Variants in IL12RB2 observed in about 807,000 individuals in gnomAD.
IL12RB2 encodes interleukin-12 receptor subunit beta-2.
A neutral mutation model predicts 89.4 loss-of-function variants in IL12RB2; 82 were observed. The observed-to-expected ratio is 0.92, with a 90% CI of 0.77 to 1.10. The LOEUF is 1.10. Ranked by LOEUF, IL12RB2 falls within the 50% of genes least tolerant of loss-of-function variation. IL12RB2 has a pLI of 0.00. For missense variants in IL12RB2, 963 were observed against 1,031.9 expected (o/e 0.93, Z 0.92); for synonymous variants, 368 against 370.1 (o/e 0.99, Z 0.07).
intron 9 of IL12RB2, among the ~76,000 whole-genome samples, chr1:67,341,283 G>T (rs1477563810): frequency 6.6e-6 from 1 of 152,102 alleles, no homozygotes; most frequent in African/African-American, 2.4e-5. Context: ...GCTGGGTGTG[G>T]TGATGCCCAC....
At position 67,337,024 on chromosome 1, in the gene IL12RB2, G is replaced by A. The variant is rs192538169; in HGVS notation, c.959-1600G>A. 2.0e-5 allele frequency among the ~76,000 whole-genome samples: 3 copies of A among 152,284 alleles called. No individual in the cohort carries two copies. In the East Asian group the frequency reaches 5.8e-4, roughly 29 times the overall value. ...TAGCCGAAGGATGTGGTTAGCATTT[G>A]TTCAAAGTCACAGAGCTGGGCTTAC... On this transcript the variant is annotated intron_variant, in intron 8 of 16. Coordinates refer to ENST00000674203, the MANE Select transcript of IL12RB2 (RefSeq NM_001374259.2).
intron 3 of IL12RB2, among the ~76,000 whole-genome samples, chr1:67,320,932 C>A (rs1656423438): frequency 6.7e-6 from 1 of 150,096 alleles, no homozygotes; most frequent in East Asian, 2.0e-4. Flanking sequence ...TGCCCACCCC[C>A]ACCCCCGTGT....
intron 8 of IL12RB2, among the ~76,000 whole-genome samples, chr1:67,335,597 C>T (rs192026552): frequency 6.6e-6 from 1 of 152,056 alleles, no homozygotes; most frequent in Non-Finnish European, 1.5e-5. Flanking sequence ...TCATTTGTAC[C>T]CATTTCTTTT....
intron 9 of IL12RB2, among the ~76,000 whole-genome samples, chr1:67,345,683 T>C (rs2100804391): frequency 6.6e-6 from 1 of 152,288 alleles, no homozygotes; most frequent in Middle Eastern, 3.4e-3. Context: ...CGTTGCAATA[T>C]TCAACTCTAT....
At chr1:67,362,148 A>G (rs9793823) in intron 10 of IL12RB2, among the ~76,000 whole-genome samples, 99,515 of 151,910 alleles carry the variant, frequency 0.66, 33,201 homozygotes, top group South Asian at 0.73. Context: ...GCATGTGCCT[A>G]TAATCCCAGC....
intron 13 of IL12RB2, among the ~76,000 whole-genome samples, chr1:67,379,685 T>C (rs1443927033): frequency 1.3e-5 from 2 of 151,556 alleles, no homozygotes; most frequent in African/African-American, 4.8e-5. Flanking sequence ...AAAAATTTAT[T>C]CAAAAGATTT....
intron 10 of IL12RB2, among the ~76,000 whole-genome samples, chr1:67,364,489 G>T (rs550956830): frequency 6.6e-6 from 1 of 152,344 alleles, no homozygotes; most frequent in Non-Finnish European, 1.5e-5. Flanking sequence ...AGAAGCTGGA[G>T]TAGCTGTATT....
At chr1:67,365,275 C>A (rs906963456) in intron 10 of IL12RB2, among the ~76,000 whole-genome samples, 2 of 151,500 alleles carry the variant, frequency 1.3e-5, no homozygotes, top group African/African-American at 4.9e-5. Flanking sequence ...CCAAAGTAAG[C>A]AAATAGTAAT....
chr1:67,385,962 G>C (rs1665088870), intron 14 of IL12RB2, among the ~76,000 whole-genome samples: 1 of 152,204 alleles, frequency 6.6e-6, no homozygotes, highest in South Asian at 2.1e-4. Context: ...TGTAATCCCA[G>C]CACTTTGGGA....
chr1:67,376,810 T>C (rs1428995668), intron 13 of IL12RB2, among the ~76,000 whole-genome samples: 1 of 152,180 alleles, frequency 6.6e-6, no homozygotes, highest in African/African-American at 2.4e-5. Context: ...GAGTTAAGGA[T>C]GCCCTCACAG....
intron 5 of IL12RB2, among the ~76,000 whole-genome samples, chr1:67,327,641 G>A (rs1657510863): frequency 6.6e-6 from 1 of 152,180 alleles, no homozygotes; most frequent in African/African-American, 2.4e-5. Flanking sequence ...GGGAGATTCT[G>A]TTCCTTGAAG....
At chr1:67,328,469 A>C in intron 6 of IL12RB2, 85 bp downstream of exon 6, 1 of 1,597,636 alleles carries the variant, frequency 6.3e-7, no homozygotes, top group African/African-American at 1.3e-5. Context: ...GTTTCAAGAA[A>C]GACAGAGATT....
intron 13 of IL12RB2, among the ~76,000 whole-genome samples, chr1:67,377,704 T>C (rs1309180627): frequency 1.8e-5 from 2 of 114,010 alleles, no homozygotes; most frequent in African/African-American, 6.8e-5. Context: ...ACCCATTTTT[T>C]TCCTTCCCAG....
Position 67,326,718 on chromosome 1 carries a change from G to A in IL12RB2, c.365-17G>A. Reference sequence around the variant, plus strand: ...TCACCTGTGTGATATATAAGGTTTTGTCTTTTCTTTTTAAAGTTGCTCCAG... The same window carrying A: ...TCACCTGTGTGATATATAAGGTTTTATCTTTTCTTTTTAAAGTTGCTCCAG... On this transcript the variant is annotated splice_polypyrimidine_tract_variant and intron_variant, in intron 4 of 16. Coordinates refer to ENST00000674203, the MANE Select transcript of IL12RB2 (RefSeq NM_001374259.2). The A allele has an allele frequency of 6.2e-7, 1 of 1,610,858 alleles. No individual in the cohort carries two copies. Among genetic ancestry groups the A allele is most frequent in the Non-Finnish European group, 8.5e-7 (1 of 1,178,068 alleles).
intron 10 of IL12RB2, among the ~76,000 whole-genome samples, chr1:67,355,409 C>T (rs1357013681): frequency 6.8e-6 from 1 of 147,530 alleles, no homozygotes; most frequent in African/African-American, 2.5e-5. Flanking sequence ...AGTGAGAGAC[C>T]CTGTCTCAAA....
At chr1:67,332,459 A>C (rs1385125730) in intron 8 of IL12RB2, among the ~76,000 whole-genome samples, 1 of 152,046 alleles carries the variant, frequency 6.6e-6, no homozygotes, top group African/African-American at 2.4e-5. Context: ...CAGGTGATCC[A>C]CCTGCCTCGG....
Position 67,338,680 on chromosome 1 carries a change from C to A in IL12RB2, c.1015C>A (p.Gln339Lys). The change falls in exon 9 of 17, where the codon CAA becomes AAA. Residue 339 changes from glutamine (Q) to lysine (K), a missense_variant. By Grantham distance (53) the Gln-to-Lys change is moderately conservative (BLOSUM62 1). Transcript: ENST00000674203. ...GAAACGGCACATTGACTACAGTAGACAACAGATTTCTCTTTTCTGGAAGGT... is the reference window on the plus strand; with the variant it reads ...GAAACGGCACATTGACTACAGTAGAAAACAGATTTCTCTTTTCTGGAAGGT... ...YMKRHIDYSR[Q>K]QISLFWKNLS... 1 of 1,525,650 alleles carries A rather than the reference C, an allele frequency of 6.6e-7. No homozygotes were observed. Among genetic ancestry groups the A allele is most frequent in the Non-Finnish European group, 9.1e-7 (1 of 1,099,356 alleles). 94.5% of individuals were successfully genotyped at this position (1,525,650 alleles called of 1,614,324 possible).
chr1:67,311,754 T>C (rs1198854769), intron 1 of IL12RB2, among the ~76,000 whole-genome samples: 3 of 152,162 alleles, frequency 2.0e-5, no homozygotes. Context: ...TGGGGAAACA[T>C]TGTGGCATGG....
intron 9 of IL12RB2, among the ~76,000 whole-genome samples, chr1:67,346,153 C>T (rs952228772): frequency 2.0e-5 from 3 of 152,128 alleles, no homozygotes; most frequent in African/African-American, 7.2e-5. Flanking sequence ...TACTTATTGG[C>T]TGGATGTTCT....
Sources: gnomAD v4.1 joint callset for allele counts (sites outside exome capture counted in the v4.1 genomes callset) on GRCh38, gnomAD v4.1.1 for gene constraint, MANE v1.5 for transcripts, NCBI Gene and HGNC (gene_info 2026-07-23, HGNC 2026-07-21) for gene names.